The following PTPRD variants were observed in gnomAD, a reference collection of about 807,000 sequenced individuals.
PTPRD encodes the protein receptor-type tyrosine-protein phosphatase delta.
PTPRD carries 34 observed loss-of-function variants against 214.5 expected under a neutral mutation model. That is an observed-to-expected ratio of 0.16 (90% CI 0.12 to 0.21). The LOEUF (loss-of-function observed/expected upper bound fraction) is 0.21. PTPRD is among the 10% of genes least tolerant of loss of function. The probability of loss-of-function intolerance (pLI) is 1.00; values close to 1 mark genes in which losing one functional copy is unlikely to be tolerated. For synonymous variants in PTPRD, 1,128 were observed against 845.7 expected (o/e 1.33, Z -5.79); for missense variants, 2,545 against 2,398.7 (o/e 1.06, Z -1.27).
chr9:9,637,221 AC>A (rs1446651863), intron 7 of PTPRD, among the ~76,000 whole-genome samples: 3 of 152,052 alleles, frequency 2.0e-5, no homozygotes, highest in Non-Finnish European at 2.9e-5. Context: ...CCTTCATTTC[AC>A]CCTGATAGCC....
At chr9:9,781,227 A>G (rs1446599155) in intron 5 of PTPRD, among the ~76,000 whole-genome samples, 1 of 152,230 alleles carries the variant, frequency 6.6e-6, no homozygotes, top group East Asian at 1.9e-4. Flanking sequence ...GGGGTAACAA[A>G]TATATCAAAG....
chr9:8,729,685 G>C (rs138486047), intron 12 of PTPRD, among the ~76,000 whole-genome samples: 32 of 152,266 alleles, frequency 2.1e-4, no homozygotes, highest in African/African-American at 7.7e-4. Flanking sequence ...GAGCAAGATT[G>C]ATCAAAATGA....
intron 34 of PTPRD, chr9:8,438,621 T>C (rs1025314913): frequency 1.3e-5 from 2 of 152,320 alleles, no homozygotes; most frequent in Non-Finnish European, 2.9e-5. Flanking sequence ...TTTAGGCTTA[T>C]CTGGAAATGG....
chr9:10,057,009 G>T (rs1202548097), intron 3 of PTPRD, among the ~76,000 whole-genome samples: 1 of 152,128 alleles, frequency 6.6e-6, no homozygotes, highest in East Asian at 1.9e-4. Flanking sequence ...GAAATATAAT[G>T]TTCATAAATA....
At chr9:8,738,782 A>C (rs948800257) in intron 11 of PTPRD, among the ~76,000 whole-genome samples, 14 of 151,802 alleles carry the variant, frequency 9.2e-5, no homozygotes, top group African/African-American at 3.4e-4. Context: ...AAAAACAAAA[A>C]CAAAAACTAC....
intron 3 of PTPRD, among the ~76,000 whole-genome samples, chr9:10,190,846 G>A (rs1411822097): frequency 6.6e-6 from 1 of 151,864 alleles, no homozygotes; most frequent in African/African-American, 2.4e-5. Context: ...GGCTGCTGAA[G>A]TAATACACAG....
At chr9:9,389,538 A>T (rs993726884) in intron 9 of PTPRD, among the ~76,000 whole-genome samples, 11 of 152,128 alleles carry the variant, frequency 7.2e-5, no homozygotes, top group African/African-American at 2.7e-4. Context: ...AACATTAATT[A>T]TGTTCCAGTA....
At chr9:9,784,570 A>T (rs149393920) in intron 5 of PTPRD, among the ~76,000 whole-genome samples, 3 of 152,158 alleles carry the variant, frequency 2.0e-5, no homozygotes, top group East Asian at 3.9e-4. Context: ...AGTCAAATCC[A>T]TTAAGCCATC....
At chr9:8,576,095 A>C (rs951399046) in intron 14 of PTPRD, among the ~76,000 whole-genome samples, 10 of 152,208 alleles carry the variant, frequency 6.6e-5, no homozygotes, top group Non-Finnish European at 1.5e-4. Flanking sequence ...CAAACTGTTT[A>C]TCTATCCTTA....
At chr9:9,157,609 A>T (rs1376536872) in intron 10 of PTPRD, among the ~76,000 whole-genome samples, 2 of 152,182 alleles carry the variant, frequency 1.3e-5, no homozygotes, top group African/African-American at 4.8e-5. Flanking sequence ...GAGGAAGGAG[A>T]TTGAATCAAT....
At chr9:8,821,382 C>T (rs113606597) in intron 11 of PTPRD, among the ~76,000 whole-genome samples, 4 of 152,224 alleles carry the variant, frequency 2.6e-5, no homozygotes, top group African/African-American at 9.6e-5. Context: ...ATGTGGGTGC[C>T]ATAGTCTACC....
chr9:9,219,991 C>T (rs1489226824), intron 9 of PTPRD, among the ~76,000 whole-genome samples: 1 of 152,106 alleles, frequency 6.6e-6, no homozygotes, highest in Non-Finnish European at 1.5e-5. Context: ...TATACAAACT[C>T]ATATTGAAAT....
chr9:9,707,041 G>A (rs918845172), intron 7 of PTPRD, among the ~76,000 whole-genome samples: 2 of 152,090 alleles, frequency 1.3e-5, no homozygotes, highest in Non-Finnish European at 2.9e-5. Flanking sequence ...TATTATCTGA[G>A]ATTACAGATA....
At chr9:8,421,730 A>C (rs2094379082) in intron 35 of PTPRD, among the ~76,000 whole-genome samples, 1 of 152,186 alleles carries the variant, frequency 6.6e-6, no homozygotes, top group Admixed American at 6.5e-5. Context: ...AAAGCAATAC[A>C]AACAAAAGAA....
intron 9 of PTPRD, among the ~76,000 whole-genome samples, chr9:9,359,561 C>T (rs9408767): frequency 1.2e-4 from 18 of 151,298 alleles, no homozygotes; most frequent in African/African-American, 4.1e-4. Flanking sequence ...ATAATTATTA[C>T]CCCTCCCAAT....
chr9:10,241,819 A>T (rs2154363018), intron 3 of PTPRD, among the ~76,000 whole-genome samples: 1 of 152,072 alleles, frequency 6.6e-6, no homozygotes, highest in East Asian at 1.9e-4. Context: ...TGTACACTTT[A>T]AATAGGGACA....
intron 11 of PTPRD, among the ~76,000 whole-genome samples, chr9:8,894,928 G>C (rs1250926023): frequency 6.6e-6 from 1 of 152,286 alleles, no homozygotes; most frequent in African/African-American, 2.4e-5. Flanking sequence ...GGAGCCCAGA[G>C]AGCCCAAGAG....
At chr9:9,136,478 G>A (rs891225281) in intron 10 of PTPRD, among the ~76,000 whole-genome samples, 8 of 151,896 alleles carry the variant, frequency 5.3e-5, no homozygotes, top group Admixed American at 6.6e-5. Flanking sequence ...GGTAAAAAAC[G>A]CAATTAATGG....
intron 11 of PTPRD, among the ~76,000 whole-genome samples, chr9:8,968,268 C>A (rs1378669757): frequency 6.6e-6 from 1 of 151,880 alleles, no homozygotes; most frequent in Non-Finnish European, 1.5e-5. Context: ...GGGTATATAC[C>A]CAGTAATGGG....
Sources: allele counts gnomAD v4.1 joint callset (sites outside exome capture counted in the v4.1 genomes callset), GRCh38; gene constraint gnomAD v4.1.1; transcripts MANE v1.5; gene names NCBI Gene and HGNC (gene_info 2026-07-23, HGNC 2026-07-21).